Variants in PDK1 observed in about 807,000 individuals in gnomAD.
PDK1 encodes pyruvate dehydrogenase kinase 1, also known as [Pyruvate dehydrogenase (acetyl-transferring)] kinase isozyme 1, mitochondrial.
A neutral mutation model predicts 54.2 loss-of-function variants in PDK1; 39 were observed. The observed-to-expected ratio is 0.72, with a 90% CI of 0.56 to 0.94. The LOEUF is 0.94. Among genes scored for constraint, PDK1 ranks in the 40% least tolerant of loss-of-function variants. The pLI, the probability that PDK1 is intolerant of heterozygous loss-of-function variation, is 0.00. For synonymous variants in PDK1, 221 were observed against 207.1 expected (o/e 1.07, Z -0.58); for missense variants, 552 against 566.0 (o/e 0.98, Z 0.25).
intron 9 of PDK1, among the ~76,000 whole-genome samples, chr2:172,590,861 G>C (rs1440954120): frequency 1.3e-5 from 2 of 151,880 alleles, no homozygotes; most frequent in Non-Finnish European, 2.9e-5. Flanking sequence ...CCTTTAGCTA[G>C]ACAGAAAAGT....
At chr2:172,677,119 G>A in the PDK1 span, 139 of 152,124 alleles carry the variant, frequency 9.1e-4, no homozygotes, top group African/African-American at 3.1e-3. Flanking sequence ...TATGCACTGC[G>A]AAACAAAAAA....
At chr2:172,582,768 T>A (rs1489544397) in intron 8 of PDK1, among the ~76,000 whole-genome samples, 1 of 152,228 alleles carries the variant, frequency 6.6e-6, no homozygotes, top group Non-Finnish European at 1.5e-5. Flanking sequence ...TACTTTAAAA[T>A]CCACTGGCTC....
intron 2 of PDK1, 68 bp downstream of exon 2, chr2:172,558,917 CT>C (rs34421489): frequency 0.035 from 47,792 of 1,362,030 alleles, 1,080 homozygotes; most frequent in Non-Finnish European, 0.043. Context: ...ACAGCAAATG[CT>C]TTTTTTTACT....
the PDK1 span, among the ~76,000 whole-genome samples, chr2:172,620,025 C>T: frequency 2.6e-5 from 4 of 151,966 alleles, no homozygotes; most frequent in Non-Finnish European, 5.9e-5. Context: ...ATTAGCCAGG[C>T]GGTAGTGGCG....
chr2:172,709,856 G>T, the PDK1 span, among the ~76,000 whole-genome samples: 1 of 152,144 alleles, frequency 6.6e-6, no homozygotes, highest in Non-Finnish European at 1.5e-5. Flanking sequence ...GACAGCAATG[G>T]TAGTATGGTC....
Position 172,586,234 on chromosome 2 carries a change from TTTTGAGGA to T in PDK1, c.946-39_946-32del, listed in dbSNP as rs768641937. On this transcript the variant is annotated intron_variant, in intron 8 of 10. Transcript: ENST00000282077. The stretch of plus-strand genomic sequence containing the variant: ...ATGAGTATGTGTTGATATTTTGCTG[TTTTGAGGA>T]TTTGGGCATAGAGCACGATCCTTTT... 4.3e-6 allele frequency: 5 copies of T among 1,171,382 alleles called. No individual in the cohort carries two copies. In the African/African-American group the frequency reaches 7.6e-5, roughly 18 times the overall value. The allele number at this position is 1,171,382 out of a possible 1,614,324, so 72.6% of individuals were successfully genotyped here.
At chr2:172,654,398 A>T in the PDK1 span, among the ~76,000 whole-genome samples, 1 of 152,236 alleles carries the variant, frequency 6.6e-6, no homozygotes, top group African/African-American at 2.4e-5. Context: ...GACTGGATTA[A>T]GAAAATGTGG....
At chr2:172,627,953 G>A in the PDK1 span, among the ~76,000 whole-genome samples, 1 of 152,152 alleles carries the variant, frequency 6.6e-6, no homozygotes, top group Non-Finnish European at 1.5e-5. Context: ...CGCGGGGCGT[G>A]GAGAAAGTCA....
intron 8 of PDK1, among the ~76,000 whole-genome samples, chr2:172,574,961 T>A (rs994105991): frequency 6.6e-6 from 1 of 152,206 alleles, no homozygotes; most frequent in Non-Finnish European, 1.5e-5. Context: ...GGGGGAGAAC[T>A]TCTTGTCTTT....
the PDK1 span, among the ~76,000 whole-genome samples, chr2:172,722,219 C>T: frequency 5.9e-5 from 9 of 152,230 alleles, no homozygotes; most frequent in African/African-American, 1.9e-4. Context: ...GGAACTCATA[C>T]ACTCCCATCC....
At chr2:172,630,612 A>G in the PDK1 span, among the ~76,000 whole-genome samples, 1 of 145,184 alleles carries the variant, frequency 6.9e-6, no homozygotes, top group Non-Finnish European at 1.5e-5. Flanking sequence ...ATATCCACCT[A>G]TTTTTTACCC....
intron 9 of PDK1, among the ~76,000 whole-genome samples, chr2:172,591,388 C>T (rs1690579745): frequency 6.6e-6 from 1 of 152,152 alleles, no homozygotes; most frequent in South Asian, 2.1e-4. Context: ...ACATTCTTCT[C>T]CTAAGAAGGT....
At chr2:172,722,666 A>G in the PDK1 span, among the ~76,000 whole-genome samples, 2 of 152,146 alleles carry the variant, frequency 1.3e-5, no homozygotes, top group African/African-American at 4.8e-5. Context: ...CTATCATGGC[A>G]GGTGAGGTAG....
In PDK1 at chr2:172,606,481, A is replaced by G. The variant is rs933451169; in HGVS notation, c.*10512A>G. The G allele has an allele frequency of 3.9e-5, 6 of 152,220 alleles. No homozygotes were observed. The highest frequency in any genetic ancestry group is 1.4e-4 in the African/African-American group (6 of 41,444). 9.4% of individuals were successfully genotyped at this position (152,220 alleles called of 1,614,324 possible). A position where few individuals can be genotyped will look rare whatever the true frequency, so the allele number is the denominator to read the frequency against. ...TTTTGCTGCTAGGAGGCAGACAGTAACTTCGGTAATTAGAAACATCTGCAC... is the reference window on the plus strand; with the variant it reads ...TTTTGCTGCTAGGAGGCAGACAGTAGCTTCGGTAATTAGAAACATCTGCAC... On this transcript the variant is annotated 3_prime_UTR_variant, in exon 11 of 11. Transcript: ENST00000282077.
chr2:172,615,517 G>A, the PDK1 span, among the ~76,000 whole-genome samples: 1 of 152,098 alleles, frequency 6.6e-6, no homozygotes, highest in South Asian at 2.1e-4. Flanking sequence ...CAGCCACTCG[G>A]GAGGCTGAGG....
At chr2:172,625,771 T>C in the PDK1 span, among the ~76,000 whole-genome samples, 1 of 152,212 alleles carries the variant, frequency 6.6e-6, no homozygotes, top group East Asian at 1.9e-4. Context: ...ATAAAGACTC[T>C]TGGGCATTGC....
chr2:172,678,242 T>C, the PDK1 span, among the ~76,000 whole-genome samples: 3 of 152,026 alleles, frequency 2.0e-5, no homozygotes, highest in African/African-American at 7.3e-5. Context: ...ATGAATCACA[T>C]AGAGACACTT....
chr2:172,643,606 C>G, the PDK1 span, among the ~76,000 whole-genome samples: 1 of 152,090 alleles, frequency 6.6e-6, no homozygotes, highest in Non-Finnish European at 1.5e-5. Flanking sequence ...GTGTGTGCAC[C>G]CCTAGACTCA....
upstream of PDK1, chr2:172,555,737 A>G: frequency 6.3e-6 from 1 of 158,464 alleles, no homozygotes; most frequent in Non-Finnish European, 1.4e-5. Context: ...TTGTTTCAAA[A>G]GGGTGCGGGA....
Sources: allele counts gnomAD v4.1 joint callset (sites outside exome capture counted in the v4.1 genomes callset), GRCh38; gene constraint gnomAD v4.1.1; transcripts MANE v1.5; gene names NCBI Gene and HGNC (gene_info 2026-07-23, HGNC 2026-07-21).